Variants in MDGA2 observed in about 807,000 individuals in gnomAD.
MDGA2 encodes MAM domain containing glycosylphosphatidylinositol anchor 2.
Under a neutral mutation model 117.8 loss-of-function variants are expected in MDGA2, and 40 were observed. That is an observed-to-expected ratio of 0.34 (90% CI 0.26 to 0.44). MDGA2 has a LOEUF of 0.44. Among genes scored for constraint, MDGA2 ranks in the 20% least tolerant of loss-of-function variants. The probability of loss-of-function intolerance (pLI) is 1.00; values close to 1 mark genes in which losing one functional copy is unlikely to be tolerated. For missense variants in MDGA2, 1,123 were observed against 1,250.6 expected, an observed-to-expected ratio of 0.90 and a Z score of 1.54; for synonymous variants, 452 against 439.0, an observed-to-expected ratio of 1.03 and a Z score of -0.37.
chr14:47,561,356 T>G (rs1316331363), intron 1 of MDGA2, among the ~76,000 whole-genome samples: 1 of 152,024 alleles, frequency 6.6e-6, no homozygotes, highest in Non-Finnish European at 1.5e-5. Flanking sequence ...AATCTTCCCA[T>G]CCATGAGCAT....
At position 47,572,665 on chromosome 14, in the gene MDGA2, T is replaced by C. The variant is rs146650147; in HGVS notation, c.280+101852A>G. ...TCTCTAGGTCCTCTGGGAGGAACTC[T>C]CTACCTCCAATGGTACTACTCAAGA... is the stretch of plus-strand genomic sequence containing the variant. On this transcript the variant is annotated intron_variant, in intron 1 of 16. Transcript: ENST00000399232. 4.2e-3 allele frequency among the ~76,000 whole-genome samples: 647 copies of C among 152,292 alleles called. 5 individuals carry two copies. Among genetic ancestry groups the C allele is most frequent in the African/African-American group, 0.015 (603 of 41,564 alleles).
chr14:47,631,936 T>C (rs1352272230), intron 1 of MDGA2, among the ~76,000 whole-genome samples: 2 of 151,984 alleles, frequency 1.3e-5, no homozygotes, highest in Admixed American at 1.3e-4. Flanking sequence ...TTAAGTTTTT[T>C]TTTTTTTTAG....
intron 1 of MDGA2, among the ~76,000 whole-genome samples, chr14:47,506,229 G>C (rs1480340426): frequency 6.6e-6 from 1 of 151,990 alleles, no homozygotes; most frequent in Non-Finnish European, 1.5e-5. Context: ...TTTGAGCAAA[G>C]GCGCATAACT....
At chr14:47,001,583 A>C (rs1887531053) in intron 8 of MDGA2, among the ~76,000 whole-genome samples, 1 of 152,136 alleles carries the variant, frequency 6.6e-6, no homozygotes, top group Non-Finnish European at 1.5e-5. Flanking sequence ...ATAAATGGAG[A>C]AATCAAACAC....
chr14:46,886,774 C>T lies in MDGA2; in HGVS notation c.2239-4553G>A, dbSNP rs151119054. 3.7e-3 allele frequency among the ~76,000 whole-genome samples: 559 copies of T among 152,138 alleles called. 4 individuals carry two copies. The highest frequency in any genetic ancestry group is 5.8e-3 in the Non-Finnish European group (394 of 67,980). ...CCCTTGAATTCTATGACAGTGCTCT[C>T]TCTCATATTGCTTCCCACATCAGCA... On this transcript the variant is annotated intron_variant, in intron 10 of 16. Coordinates refer to ENST00000399232, the MANE Select transcript of MDGA2 (RefSeq NM_001113498.3).
At chr14:47,041,375 C>T (rs893490325) in intron 7 of MDGA2, among the ~76,000 whole-genome samples, 11 of 151,966 alleles carry the variant, frequency 7.2e-5, no homozygotes, top group Non-Finnish European at 1.3e-4. Context: ...ATAATGAAAA[C>T]GTATCAAATT....
chr14:47,605,366 T>C (rs1896723966), intron 1 of MDGA2, among the ~76,000 whole-genome samples: 3 of 152,232 alleles, frequency 2.0e-5, no homozygotes, highest in South Asian at 4.1e-4. Context: ...GCACACACTT[T>C]TTATTATAGC....
At chr14:46,941,923 G>C (rs944347877) in intron 9 of MDGA2, among the ~76,000 whole-genome samples, 1 of 152,118 alleles carries the variant, frequency 6.6e-6, no homozygotes, top group Non-Finnish European at 1.5e-5. Flanking sequence ...ACCCTAGCTT[G>C]TTCGAGACTG....
intron 2 of MDGA2, among the ~76,000 whole-genome samples, chr14:47,272,200 C>T (rs1183984691): frequency 6.6e-6 from 1 of 151,486 alleles, no homozygotes; most frequent in African/African-American, 2.4e-5. Context: ...ACCTAACTAC[C>T]TGCCCAGGCC....
chr14:47,469,395 A>G (rs1893672132), intron 1 of MDGA2, among the ~76,000 whole-genome samples: 1 of 152,114 alleles, frequency 6.6e-6, no homozygotes, highest in African/African-American at 2.4e-5. Context: ...ATGAGTGAGA[A>G]TATGCGGTGT....
chr14:47,216,048 C>T (rs973852115), intron 3 of MDGA2, among the ~76,000 whole-genome samples: 1 of 152,014 alleles, frequency 6.6e-6, no homozygotes, highest in Non-Finnish European at 1.5e-5. Flanking sequence ...GCTATTATTT[C>T]CAGTAAGGTG....
intron 1 of MDGA2, among the ~76,000 whole-genome samples, chr14:47,493,744 T>C (rs1894221742): frequency 6.6e-6 from 1 of 152,228 alleles, no homozygotes; most frequent in African/African-American, 2.4e-5. Context: ...AAGTATATTA[T>C]TTAAACATTT....
intron 1 of MDGA2, among the ~76,000 whole-genome samples, chr14:47,517,927 T>C (rs1288445770): frequency 6.6e-6 from 1 of 152,178 alleles, no homozygotes; most frequent in Non-Finnish European, 1.5e-5. Flanking sequence ...TTCTTCTTTC[T>C]TTTAAAAATA....
chr14:47,593,104 T>G (rs1376538207), intron 1 of MDGA2, among the ~76,000 whole-genome samples: 1 of 152,166 alleles, frequency 6.6e-6, no homozygotes, highest in Non-Finnish European at 1.5e-5. Context: ...AGAAGACATT[T>G]ACAAAGCCAA....
chr14:47,524,891 C>G (rs894142309), intron 1 of MDGA2, among the ~76,000 whole-genome samples: 1 of 152,156 alleles, frequency 6.6e-6, no homozygotes, highest in Admixed American at 6.5e-5. Context: ...AAAATACAAC[C>G]ATCAGTCACT....
intron 8 of MDGA2, among the ~76,000 whole-genome samples, chr14:47,017,279 A>T (rs74044410): frequency 2.0e-5 from 3 of 151,614 alleles, no homozygotes; most frequent in Non-Finnish European, 4.4e-5. Flanking sequence ...GGTCAAAAAG[A>T]ATTCATCAAG....
intron 1 of MDGA2, among the ~76,000 whole-genome samples, chr14:47,522,853 T>G (rs1894897931): frequency 6.6e-6 from 1 of 152,182 alleles, no homozygotes; most frequent in African/African-American, 2.4e-5. Context: ...TCTCCACAAT[T>G]TTAGAGGCAA....
At chr14:47,503,421 C>CTTTT (rs1180360462) in intron 1 of MDGA2, among the ~76,000 whole-genome samples, 1 of 133,708 alleles carries the variant, frequency 7.5e-6, no homozygotes, top group Non-Finnish European at 1.6e-5. Context: ...CCTCTACTAC[C>CTTTT]TTTTTTTTTT....
intron 1 of MDGA2, among the ~76,000 whole-genome samples, chr14:47,439,816 G>A (rs1327197841): frequency 4.7e-5 from 1 of 21,466 alleles, no homozygotes; most frequent in Non-Finnish European, 8.7e-5. Context: ...ATTCACTAAG[G>A]GAGTGTGTGT....
Sources: gnomAD v4.1 joint callset for allele counts (sites outside exome capture counted in the v4.1 genomes callset) on GRCh38, gnomAD v4.1.1 for gene constraint, MANE v1.5 for transcripts, NCBI Gene and HGNC (gene_info 2026-07-23, HGNC 2026-07-21) for gene names.